Variants in MSH3 observed in about 807,000 individuals in gnomAD.
MSH3 encodes the protein mutS homolog 3, also known as DNA mismatch repair protein Msh3.
A neutral mutation model predicts 123.3 loss-of-function variants in MSH3; 106 were observed. The observed-to-expected ratio is 0.86, with a 90% confidence interval of 0.73 to 1.01. The LOEUF is 1.01. Among genes scored for constraint, MSH3 ranks in the 50% least tolerant of loss-of-function variants. The pLI is 0.00. For missense variants in MSH3, 1,459 were observed against 1,347.6 expected (o/e 1.08, Z -1.29); for synonymous variants, 515 against 481.4 (o/e 1.07, Z -0.91).
intron 20 of MSH3, among the ~76,000 whole-genome samples, chr5:80,829,081 G>C (rs543904071): frequency 6.6e-6 from 1 of 152,168 alleles, no homozygotes. Flanking sequence ...ATTAATCCAC[G>C]AATGGATTAA....
At chr5:80,858,196 C>T (rs1326654183) in intron 21 of MSH3, among the ~76,000 whole-genome samples, 2 of 152,078 alleles carry the variant, frequency 1.3e-5, no homozygotes, top group African/African-American at 2.4e-5. Flanking sequence ...AGGCACATGC[C>T]ACAACACCCA....
intron 20 of MSH3, among the ~76,000 whole-genome samples, chr5:80,848,399 C>G (rs1745762493): frequency 6.6e-6 from 1 of 152,136 alleles, no homozygotes; most frequent in African/African-American, 2.4e-5. Flanking sequence ...TATTCTTAAT[C>G]TTCCTGAGGA....
intron 8 of MSH3, among the ~76,000 whole-genome samples, chr5:80,689,476 CTTAAA>C (rs1458012310): frequency 1.2e-4 from 19 of 152,098 alleles, no homozygotes; most frequent in African/African-American, 2.4e-4. Flanking sequence ...ACCCATTTCA[CTTAAA>C]TTAGTTTTAT....
chr5:80,692,386 A>AGAT (rs70991174), intron 8 of MSH3, among the ~76,000 whole-genome samples: 43 of 37,752 alleles, frequency 1.1e-3, no homozygotes, highest in East Asian at 3.4e-3. Flanking sequence ...TTAGATAGAT[A>AGAT]AACATGTATA....
At chr5:80,704,038 G>T (rs764777721) in intron 8 of MSH3, among the ~76,000 whole-genome samples, 1 of 152,148 alleles carries the variant, frequency 6.6e-6, no homozygotes, top group South Asian at 2.1e-4. Context: ...CTGGGAGGAA[G>T]AATCTTCCTT....
At chr5:80,716,006 C>G (rs1340056768) in intron 8 of MSH3, among the ~76,000 whole-genome samples, 1 of 152,132 alleles carries the variant, frequency 6.6e-6, no homozygotes, top group Non-Finnish European at 1.5e-5. Context: ...ATGTCTTCAT[C>G]TTTAGTGCTC....
chr5:80,733,097 G>A (rs755137429), intron 10 of MSH3, among the ~76,000 whole-genome samples: 21 of 152,124 alleles, frequency 1.4e-4, no homozygotes, highest in Non-Finnish European at 2.9e-4. Flanking sequence ...AGTGTGGAGG[G>A]TGGGATTAAA....
At chr5:80,732,191 A>C (rs1029083151) in intron 10 of MSH3, among the ~76,000 whole-genome samples, 2 of 152,186 alleles carry the variant, frequency 1.3e-5, no homozygotes, top group Admixed American at 6.5e-5. Context: ...ATTATAACAG[A>C]ATTAACCTGA....
chr5:80,821,111 T>G (rs893375959), intron 20 of MSH3, among the ~76,000 whole-genome samples: 4 of 152,224 alleles, frequency 2.6e-5, no homozygotes, highest in Non-Finnish European at 5.9e-5. Flanking sequence ...ACCTGACATA[T>G]AGTAGTTCCT....
At chr5:80,768,221 G>T (rs545549745) in intron 14 of MSH3, 101 bp downstream of exon 14, 21 of 1,065,652 alleles carry the variant, frequency 2.0e-5, no homozygotes, top group Admixed American at 5.2e-5. Flanking sequence ...AATAATAATA[G>T]AAGTTGCATG....
chr5:80,671,887 T>C (rs1042234920), intron 4 of MSH3, among the ~76,000 whole-genome samples: 1 of 152,230 alleles, frequency 6.6e-6, no homozygotes, highest in African/African-American at 2.4e-5. Flanking sequence ...TGTCAGTCAT[T>C]TGCACATGCC....
intron 20 of MSH3, among the ~76,000 whole-genome samples, chr5:80,827,265 A>G (rs1053748200): frequency 6.6e-6 from 1 of 152,210 alleles, no homozygotes; most frequent in Non-Finnish European, 1.5e-5. Context: ...TATTTACTCG[A>G]TGTGGCCCAT....
At chr5:80,694,655 T>A (rs539391672) in intron 8 of MSH3, among the ~76,000 whole-genome samples, 7 of 152,128 alleles carry the variant, frequency 4.6e-5, no homozygotes. Context: ...TTAGAGTAGC[T>A]CTGCTTGTGT....
At chr5:80,759,863 A>G (rs1460571857) in intron 12 of MSH3, among the ~76,000 whole-genome samples, 1 of 152,160 alleles carries the variant, frequency 6.6e-6, no homozygotes, top group East Asian at 1.9e-4. Context: ...TGTGTGTACA[A>G]AGCTCTGTCT....
In MSH3 at chr5:80,787,658, A is replaced by G. The variant is rs973576746; in HGVS notation, c.2529A>G (p.Gln843=). Residue 843 remains glutamine, a synonymous_variant, in exon 18 of 24, where the codon CAA becomes CAG. Coordinates refer to ENST00000265081, the MANE Select transcript of MSH3 (RefSeq NM_002439.5). ...CIFSLAKVAK[Q]GDYCRPTVQE... ...TCTCCCTGGCCAAGGTCGCTAAGCA[A>G]GGAGATTACTGCAGGTAAGATATTT... is the stretch of plus-strand genomic sequence containing the variant. 35 of 1,612,154 alleles carry G rather than the reference A, an allele frequency of 2.2e-5. No individual in the cohort carries two copies. The highest frequency in any genetic ancestry group is 2.8e-5 in the Non-Finnish European group (33 of 1,178,386).
intron 18 of MSH3, among the ~76,000 whole-genome samples, chr5:80,789,883 G>A (rs1390270578): frequency 6.6e-6 from 1 of 152,156 alleles, no homozygotes. Context: ...CCAAGAAACT[G>A]ATGAAAAGAT....
chr5:80,668,743 G>C (rs1004591079), intron 3 of MSH3, among the ~76,000 whole-genome samples: 1 of 152,100 alleles, frequency 6.6e-6, no homozygotes, highest in Non-Finnish European at 1.5e-5. Flanking sequence ...CCACAGCTTG[G>C]GTGGCTGTGG....
At chr5:80,692,655 T>A (rs183747562) in intron 8 of MSH3, among the ~76,000 whole-genome samples, 11 of 126,976 alleles carry the variant, frequency 8.7e-5, no homozygotes, top group East Asian at 7.4e-4. Context: ...TATATAGATA[T>A]ATATATACAC....
rs541505460 is a variant in MSH3 at position 80,692,499 on chromosome 5, G to T, written c.1340+13406G>T. On this transcript the variant is annotated intron_variant, in intron 8 of 23. Transcript: ENST00000265081. ...AGATAGATAAACATGTATATGTTTA[G>T]ATAGATAAACATGTATATGTTTAGA... 1.9e-3 allele frequency among the ~76,000 whole-genome samples: 171 copies of T among 91,278 alleles called. 12 individuals carry two copies. The highest frequency in any genetic ancestry group is 2.8e-3 in the Non-Finnish European group (125 of 44,760). The allele number at this position is 91,278 out of a possible 152,430, so 59.9% of individuals were successfully genotyped here. A position where few individuals can be genotyped will look rare whatever the true frequency, so the allele number is the denominator to read the frequency against.
Sources: allele counts gnomAD v4.1 joint callset (sites outside exome capture counted in the v4.1 genomes callset), GRCh38; gene constraint gnomAD v4.1.1; transcripts MANE v1.5; gene names NCBI Gene and HGNC (gene_info 2026-07-23, HGNC 2026-07-21).